Variants in CAMTA1 observed in about 807,000 individuals in gnomAD.
The protein encoded by CAMTA1 is calmodulin-binding transcription activator 1.
In CAMTA1, 27 loss-of-function variants were observed where a neutral mutation model predicts 170.9. That is an observed-to-expected ratio of 0.16 (90% CI 0.12 to 0.22). The LOEUF (loss-of-function observed/expected upper bound fraction) is 0.22. Among genes scored for constraint, CAMTA1 ranks in the 10% least tolerant of loss-of-function variants. The pLI is 1.00. For synonymous variants in CAMTA1, 833 were observed against 891.5 expected (o/e 0.93, Z 1.17); for missense variants, 1,619 against 2,217.2 (o/e 0.73, Z 5.42).
chr1:6,804,120 G>A (rs1294030708), intron 1 of CAMTA1, among the ~76,000 whole-genome samples: 1 of 151,908 alleles, frequency 6.6e-6, no homozygotes, highest in Non-Finnish European at 1.5e-5. Flanking sequence ...GGAGGCAGAG[G>A]TTGCAGTGTG....
At chr1:7,008,652 A>G (rs1699357311) in intron 3 of CAMTA1, 1 of 152,182 alleles carries the variant, frequency 6.6e-6, no homozygotes, top group Non-Finnish European at 1.5e-5. Context: ...CTTCATCTTG[A>G]TTGTTTAAAT....
chr1:6,867,599 A>G (rs529465759), intron 3 of CAMTA1, among the ~76,000 whole-genome samples: 4 of 152,328 alleles, frequency 2.6e-5, no homozygotes, highest in East Asian at 1.9e-4. Flanking sequence ...TGGTTTTTCA[A>G]TAGATGGCAT....
At chr1:7,168,078 A>G (rs932548308) in intron 4 of CAMTA1, among the ~76,000 whole-genome samples, 26 of 152,326 alleles carry the variant, frequency 1.7e-4, no homozygotes, top group Admixed American at 8.5e-4. Flanking sequence ...TAGGTTAAAC[A>G]CTAATAATTT....
rs905570956 is a variant in CAMTA1, at chr1:7,325,057, A to G, written c.438+75431A>G. Among the ~76,000 whole-genome samples, 2 of 151,858 alleles carry G rather than the reference A, an allele frequency of 1.3e-5. No homozygotes were observed. Among genetic ancestry groups the G allele is most frequent in the African/African-American group, 2.4e-5 (1 of 41,144 alleles). ...CCCCTCCAAAATAGACATCATTATC[A>G]TTATCATTTTACACAATTAATATTT... On this transcript the variant is annotated intron_variant, in intron 5 of 22. Transcript: ENST00000303635. This position sits in a 1 kb window ranked among gnomAD's most constrained non-coding sequence, Gnocchi z 5.0.
At chr1:6,849,237 A>G (rs1239588392) in intron 3 of CAMTA1, among the ~76,000 whole-genome samples, 1 of 152,210 alleles carries the variant, frequency 6.6e-6, no homozygotes. Context: ...AGGTTTCAGG[A>G]CATACTGTAT....
intron 7 of CAMTA1, among the ~76,000 whole-genome samples, chr1:7,652,751 G>A (rs754453463): frequency 5.9e-4 from 89 of 152,044 alleles, no homozygotes; most frequent in Non-Finnish European, 1.1e-3. Context: ...AGATGGGGTC[G>A]CTTTTCTCCT....
intron 5 of CAMTA1, among the ~76,000 whole-genome samples, chr1:7,382,237 GA>G (rs1414871166): frequency 6.6e-6 from 1 of 152,216 alleles, no homozygotes; most frequent in Non-Finnish European, 1.5e-5. Flanking sequence ...AATACTTAAG[GA>G]AGAGAAAGCT....
intron 5 of CAMTA1, among the ~76,000 whole-genome samples, chr1:7,378,107 C>G (rs2086985592): frequency 6.6e-6 from 1 of 152,150 alleles, no homozygotes; most frequent in South Asian, 2.1e-4. Context: ...ACCCCTCACT[C>G]AGACACATCT....
At position 7,768,904 on chromosome 1, in the gene CAMTA1, T is replaced by C. The variant is rs1224092294; in HGVS notation, c.*2413T>C. The C allele has an allele frequency of 6.6e-6, 1 of 152,356 alleles. No individual in the cohort carries two copies. The highest frequency in any genetic ancestry group is 1.5e-5 in the Non-Finnish European group (1 of 68,026). 9.4% of individuals were successfully genotyped at this position (152,356 alleles called of 1,614,324 possible). ...CCAGCTCTTTCAGAATATCCTCTAT[T>C]AATACTGAATTTAGATATCTTTATT... On this transcript the variant is annotated 3_prime_UTR_variant, in exon 23 of 23. Transcript: ENST00000303635.
Position 7,065,065 on chromosome 1 carries a change from C to G in CAMTA1, c.235-26239C>G, listed in dbSNP as rs761312054. 1.3e-5 allele frequency among the ~76,000 whole-genome samples: 2 copies of G among 152,166 alleles called. No individual in the cohort carries two copies. Among genetic ancestry groups the G allele is most frequent in the African/African-American group, 2.4e-5 (1 of 41,424 alleles). ...GGTTTGAGGAGGCAAATAAAAAAAT[C>G]TCTGTTGCACACGTTACATGTGGGA... On this transcript the variant is annotated intron_variant, in intron 3 of 22. Transcript: ENST00000303635. This position sits in a 1 kb window ranked among gnomAD's most constrained non-coding sequence, Gnocchi z 5.2.
rs114671887 is a variant in CAMTA1, at chr1:7,586,343, G to C, written c.511-54057G>C. Among the ~76,000 whole-genome samples, 810 of 152,288 alleles carry C rather than the reference G, an allele frequency of 5.3e-3. 12 individuals are homozygous for C. The highest frequency in any genetic ancestry group is 0.018 in the African/African-American group (749 of 41,520). ...TGGCTCAAATGTCGGAGTCCTCCCC[G>C]TTATCGCAGAAGGCGCCTTATCTGC... is the stretch of plus-strand genomic sequence containing the variant. On this transcript the variant is annotated intron_variant, in intron 6 of 22. Coordinates refer to ENST00000303635, the MANE Select transcript of CAMTA1 (RefSeq NM_015215.4).
At chr1:7,474,436 A>G (rs1252922658) in intron 6 of CAMTA1, among the ~76,000 whole-genome samples, 2 of 152,234 alleles carry the variant, frequency 1.3e-5, no homozygotes, top group African/African-American at 4.8e-5. Context: ...GGAAGTCTGC[A>G]TTGATGCCGT....
intron 6 of CAMTA1, among the ~76,000 whole-genome samples, chr1:7,624,707 A>G (rs1361503533): frequency 6.6e-6 from 1 of 152,174 alleles, no homozygotes; most frequent in African/African-American, 2.4e-5. Context: ...CTGACTGCCT[A>G]TCAGGGAATA....
At chr1:7,539,066 G>A (rs2094579990) in intron 6 of CAMTA1, among the ~76,000 whole-genome samples, 2 of 152,200 alleles carry the variant, frequency 1.3e-5, no homozygotes, top group African/African-American at 4.8e-5. Flanking sequence ...CCACCCTCAG[G>A]GCCAGGGTTG....
chr1:7,548,858 G>C (rs1162563346), intron 6 of CAMTA1, among the ~76,000 whole-genome samples: 2 of 121,280 alleles, frequency 1.6e-5, no homozygotes, highest in Non-Finnish European at 3.8e-5. Context: ...GCCCCCTTAG[G>C]GGTGGAGGTG....
intron 6 of CAMTA1, among the ~76,000 whole-genome samples, chr1:7,573,407 C>T (rs1277134591): frequency 2.0e-5 from 3 of 152,202 alleles, no homozygotes; most frequent in Non-Finnish European, 2.9e-5. Flanking sequence ...CAGCTGCTTC[C>T]GTGCCATCCA....
intron 3 of CAMTA1, among the ~76,000 whole-genome samples, chr1:7,069,660 G>A (rs1448201422): frequency 1.3e-5 from 2 of 152,048 alleles, no homozygotes; most frequent in Non-Finnish European, 2.9e-5. Flanking sequence ...AAGAGAGCCT[G>A]GACAGCAGGC....
At chr1:7,229,753 A>G (rs1348705423) in intron 4 of CAMTA1, among the ~76,000 whole-genome samples, 7 of 152,060 alleles carry the variant, frequency 4.6e-5, no homozygotes, top group African/African-American at 9.7e-5. Context: ...GAAGAACTCA[A>G]TTCTTCAATG....
At chr1:7,202,479 A>G (rs1656890090) in intron 4 of CAMTA1, among the ~76,000 whole-genome samples, 1 of 152,220 alleles carries the variant, frequency 6.6e-6, no homozygotes, top group African/African-American at 2.4e-5. Flanking sequence ...TTTGGAGAGT[A>G]CTGATATCTT....
Sources: gnomAD v4.1 joint callset for allele counts (sites outside exome capture counted in the v4.1 genomes callset) on GRCh38, gnomAD v4.1.1 for gene constraint, Gnocchi (gnomAD v3.1) non-coding constraint, MANE v1.5 for transcripts, NCBI Gene and HGNC (gene_info 2026-07-23, HGNC 2026-07-21) for gene names.